SEPTIN7: variants seen among roughly 807,000 people sequenced by gnomAD.
SEPTIN7 encodes septin 7, also known as septin-7.
In SEPTIN7, 10 loss-of-function variants were observed where a neutral mutation model predicts 63.3. The ratio of observed to expected loss-of-function variants is 0.16; its 90% CI spans 0.10 to 0.27. The LOEUF (loss-of-function observed/expected upper bound fraction) is 0.27. Ranked by LOEUF, SEPTIN7 falls within the 10% of genes least tolerant of loss-of-function variation. The pLI is 1.00. For synonymous variants in SEPTIN7, 131 were observed against 165.3 expected (o/e 0.79, Z 1.59); for missense variants, 310 against 521.0 (o/e 0.59, Z 3.94).
intron 1 of SEPTIN7, among the ~76,000 whole-genome samples, chr7:35,812,340 T>A (rs548742792): frequency 1.8e-4 from 27 of 151,018 alleles, no homozygotes; most frequent in South Asian, 6.3e-4. Context: ...TTTTTTTTTT[T>A]AATTTTGGAA....
At chr7:35,807,606 G>A (rs12701459) in intron 1 of SEPTIN7, among the ~76,000 whole-genome samples, 53,351 of 151,454 alleles carry the variant, frequency 0.35, 9,850 homozygotes, top group East Asian at 0.49. Flanking sequence ...CTCATGATCC[G>A]CCCGTCTTGG....
chr7:35,842,326 A>G (rs1216642943), intron 3 of SEPTIN7, among the ~76,000 whole-genome samples: 2 of 148,418 alleles, frequency 1.3e-5, no homozygotes, highest in Non-Finnish European at 3.0e-5. Flanking sequence ...AACCTTGTTA[A>G]TTTTACTCAA....
At chr7:35,901,422 A>G (rs1040739723) in intron 12 of SEPTIN7, 6 of 152,236 alleles carry the variant, frequency 3.9e-5, no homozygotes, top group Non-Finnish European at 8.8e-5. Flanking sequence ...ACTGAAACAA[A>G]TAAAAAGTAA....
chr7:35,900,545 C>T (rs1371457290), intron 12 of SEPTIN7: 1 of 152,112 alleles, frequency 6.6e-6, no homozygotes, highest in Non-Finnish European at 1.5e-5. Context: ...TCTACCTCTT[C>T]AGTAATTCAC....
At chr7:35,892,383 G>C (rs766529742) in intron 11 of SEPTIN7, among the ~76,000 whole-genome samples, 1 of 152,094 alleles carries the variant, frequency 6.6e-6, no homozygotes, top group Non-Finnish European at 1.5e-5. Context: ...GCACAAAAAT[G>C]TAAGGACCCA....
chr7:35,801,840 C>T (rs1225306686), intron 1 of SEPTIN7, among the ~76,000 whole-genome samples: 1 of 151,782 alleles, frequency 6.6e-6, no homozygotes. Context: ...GTGGTGGAGG[C>T]GGCGGCGGCG....
At chr7:35,912,315 C>T in the SEPTIN7 span, among the ~76,000 whole-genome samples, 1 of 152,250 alleles carries the variant, frequency 6.6e-6, no homozygotes, top group Non-Finnish European at 1.5e-5. Context: ...AAACCACAAA[C>T]AATAGCATGA....
chr7:35,806,904 A>G (rs1788378285), intron 1 of SEPTIN7, among the ~76,000 whole-genome samples: 1 of 152,212 alleles, frequency 6.6e-6, no homozygotes, highest in Non-Finnish European at 1.5e-5. Context: ...TCACACTTTG[A>G]TAAATGATAG....
intron 1 of SEPTIN7, among the ~76,000 whole-genome samples, chr7:35,827,252 G>A (rs1562752437): frequency 6.6e-6 from 1 of 152,148 alleles, no homozygotes; most frequent in Non-Finnish European, 1.5e-5. Flanking sequence ...GTAGAAGCTT[G>A]GGTGAATATG....
At position 35,904,518 on chromosome 7, in the gene SEPTIN7, A is replaced by G. The variant is rs1377343715; in HGVS notation, c.*225A>G. 18 of 361,390 alleles carry G rather than the reference A, an allele frequency of 5.0e-5. No homozygotes were observed. In the East Asian group the frequency reaches 6.8e-4, roughly 14 times the overall value. 22.4% of individuals were successfully genotyped at this position (361,390 alleles called of 1,614,324 possible). A position where few individuals can be genotyped will look rare whatever the true frequency, so the allele number is the denominator to read the frequency against. Reference sequence around the variant, plus strand: ...AGTAAGAGCTCTAAGTACCTTTCCTACATTTTCTTTTTTTATTAAACAGAT... The same window carrying G: ...AGTAAGAGCTCTAAGTACCTTTCCTGCATTTTCTTTTTTTATTAAACAGAT... On this transcript the variant is annotated 3_prime_UTR_variant, in exon 14 of 14. Coordinates refer to ENST00000350320, the MANE Select transcript of SEPTIN7 (RefSeq NM_001788.6).
chr7:35,813,037 T>C (rs1788828957), intron 1 of SEPTIN7, among the ~76,000 whole-genome samples: 1 of 152,208 alleles, frequency 6.6e-6, no homozygotes, highest in African/African-American at 2.4e-5. Flanking sequence ...ATAATAACTA[T>C]CATCTGTAGG....
chr7:35,855,050 G>T (rs1223914246), intron 3 of SEPTIN7, among the ~76,000 whole-genome samples: 1 of 152,012 alleles, frequency 6.6e-6, no homozygotes, highest in East Asian at 1.9e-4. Context: ...TTCCAGTCCT[G>T]TCTCTAGAAA....
chr7:35,849,818 C>G (rs936967339), intron 3 of SEPTIN7, among the ~76,000 whole-genome samples: 1 of 152,106 alleles, frequency 6.6e-6, no homozygotes, highest in African/African-American at 2.4e-5. Context: ...TTTTCTTTAA[C>G]TTATTTGGCA....
At chr7:35,890,028 C>A (rs925802844) in intron 10 of SEPTIN7, among the ~76,000 whole-genome samples, 1 of 152,150 alleles carries the variant, frequency 6.6e-6, no homozygotes, top group African/African-American at 2.4e-5. Flanking sequence ...CATAGAGCAG[C>A]TAAGGATATC....
chr7:35,870,670 C>T (rs17172612), intron 4 of SEPTIN7, among the ~76,000 whole-genome samples: 2 of 151,918 alleles, frequency 1.3e-5, no homozygotes, highest in Non-Finnish European at 2.9e-5. Context: ...ATGTAAACCT[C>T]CTAAACTAGA....
intron 1 of SEPTIN7, among the ~76,000 whole-genome samples, chr7:35,817,518 C>G (rs1789147719): frequency 6.6e-6 from 1 of 151,978 alleles, no homozygotes; most frequent in Admixed American, 6.6e-5. Flanking sequence ...TTTGGTTATT[C>G]TGGTTCCCTT....
chr7:35,904,320 A>C lies in SEPTIN7; in HGVS notation c.*27A>C, dbSNP rs1395856934. On this transcript the variant is annotated 3_prime_UTR_variant, in exon 14 of 14. Transcript: ENST00000350320. The stretch of plus-strand genomic sequence containing the variant: ...CTCTCTATTGACCACCAGTTAACGT[A>C]TTAGTTGCCAATATGCCAGCTTGGA... The C allele has an allele frequency of 6.5e-7, 1 of 1,532,906 alleles. No individual in the cohort carries two copies. The highest frequency in any genetic ancestry group is 2.0e-5 in the Admixed American group (1 of 48,880). 95.0% of individuals were successfully genotyped at this position (1,532,906 alleles called of 1,614,324 possible).
rs559440296 is a variant in SEPTIN7 at position 35,905,529 on chromosome 7, T to C, written c.*1236T>C. On this transcript the variant is annotated 3_prime_UTR_variant, in exon 14 of 14. Coordinates refer to ENST00000350320, the MANE Select transcript of SEPTIN7 (RefSeq NM_001788.6). ...GCTTATTTTTCTGAGAACATTTTTT[T>C]TTTCCCCCAGACAGGGTCTTGCTTC... 1 of 152,322 alleles carries C rather than the reference T, an allele frequency of 6.6e-6. No individual in the cohort carries two copies. Among genetic ancestry groups the C allele is most frequent in the East Asian group, 1.9e-4 (1 of 5,192 alleles). 9.4% of individuals were successfully genotyped at this position (152,322 alleles called of 1,614,324 possible).
chr7:35,898,236 T>C lies in SEPTIN7; in HGVS notation c.999-12T>C, dbSNP rs1284235292. The stretch of plus-strand genomic sequence containing the variant: ...ACAGACATTTAATGATTACCCTTAA[T>C]ATTCGTGACAGGAGCCCTCTGGCAC... On this transcript the variant is annotated splice_polypyrimidine_tract_variant and intron_variant, in intron 11 of 13. Transcript: ENST00000350320. 1 of 1,526,888 alleles carries C rather than the reference T, an allele frequency of 6.5e-7. No homozygotes were observed. Among genetic ancestry groups the C allele is most frequent in the African/African-American group, 1.4e-5 (1 of 71,850 alleles). 94.6% of individuals were successfully genotyped at this position (1,526,888 alleles called of 1,614,324 possible). A position where few individuals can be genotyped will look rare whatever the true frequency, so the allele number is the denominator to read the frequency against.
Sources: gnomAD v4.1 joint callset for allele counts (sites outside exome capture counted in the v4.1 genomes callset) on GRCh38, gnomAD v4.1.1 for gene constraint, MANE v1.5 for transcripts, NCBI Gene and HGNC (gene_info 2026-07-23, HGNC 2026-07-21) for gene names.